Variants in THSD7A observed in about 807,000 individuals in gnomAD.
The protein encoded by THSD7A is thrombospondin type 1 domain containing 7A, also known as thrombospondin type-1 domain-containing protein 7A.
Under a neutral mutation model 231.3 loss-of-function variants are expected in THSD7A, and 96 were observed. The ratio of observed to expected loss-of-function variants is 0.41; its 90% CI spans 0.35 to 0.49. THSD7A has a LOEUF of 0.49. Ranked by LOEUF, THSD7A falls within the 20% of genes least tolerant of loss-of-function variation. THSD7A has a pLI of 0.05. For missense variants in THSD7A, 2,290 were observed against 2,070.2 expected (o/e 1.11, Z -2.06); for synonymous variants, 940 against 743.3 (o/e 1.26, Z -4.30).
intron 6 of THSD7A, among the ~76,000 whole-genome samples, chr7:11,500,638 G>GA (rs1787292735): frequency 6.6e-6 from 1 of 151,094 alleles, no homozygotes; most frequent in South Asian, 2.1e-4. Flanking sequence ...CAAGCAAATG[G>GA]AAAAAAGAAA....
At chr7:11,479,357 C>T (rs1229549709) in intron 7 of THSD7A, among the ~76,000 whole-genome samples, 1 of 152,142 alleles carries the variant, frequency 6.6e-6, no homozygotes, top group Non-Finnish European at 1.5e-5. Context: ...ATGGACTTGT[C>T]CTGTATGTTA....
intron 1 of THSD7A, among the ~76,000 whole-genome samples, chr7:11,715,026 C>A (rs977682758): frequency 1.3e-5 from 2 of 151,262 alleles, no homozygotes; most frequent in Admixed American, 6.6e-5. Context: ...TTCTTTATAG[C>A]GAAGGGTTAT....
At chr7:11,525,680 A>G (rs1428663517) in intron 6 of THSD7A, among the ~76,000 whole-genome samples, 1 of 152,198 alleles carries the variant, frequency 6.6e-6, no homozygotes, top group Non-Finnish European at 1.5e-5. Context: ...TATAAAAGAT[A>G]TTCTTACCTA....
At chr7:11,393,937 A>T (rs971826914) in intron 23 of THSD7A, among the ~76,000 whole-genome samples, 15 of 151,576 alleles carry the variant, frequency 9.9e-5, no homozygotes, top group Non-Finnish European at 2.1e-4. Context: ...GTTGGAAAAC[A>T]CTCTTCAGGA....
At chr7:11,747,838 A>G (rs1782361202) in intron 1 of THSD7A, among the ~76,000 whole-genome samples, 1 of 151,944 alleles carries the variant, frequency 6.6e-6, no homozygotes, top group Admixed American at 6.6e-5. Flanking sequence ...CGAAAGGACA[A>G]TGGACAAGTA....
chr7:11,375,914 A>C (rs1388689212), intron 27 of THSD7A, 36 bp from the exon 28 acceptor site: 25 of 1,589,486 alleles, frequency 1.6e-5, no homozygotes, highest in Non-Finnish European at 2.2e-5. Flanking sequence ...AAAGAAAATC[A>C]GTTTCTAATT....
chr7:11,769,149 ATATATT>A (rs1459583930), intron 1 of THSD7A, among the ~76,000 whole-genome samples: 15 of 36,296 alleles, frequency 4.1e-4, no homozygotes, highest in African/African-American at 9.7e-4. Flanking sequence ...ATATATATAT[ATATATT>A]TTTTTTTTTT....
chr7:11,553,387 G>A (rs547400208), intron 4 of THSD7A, among the ~76,000 whole-genome samples: 58 of 152,130 alleles, frequency 3.8e-4, no homozygotes, highest in Admixed American at 3.5e-3. Flanking sequence ...ACTGTAAGAC[G>A]ATTACATTTC....
intron 13 of THSD7A, among the ~76,000 whole-genome samples, chr7:11,436,079 G>T (rs1281487569): frequency 1.3e-5 from 2 of 152,018 alleles, no homozygotes; most frequent in Middle Eastern, 6.8e-3. Flanking sequence ...ACATACTAAG[G>T]CATTTATTGA....
chr7:11,563,916 G>A (rs934353768), intron 4 of THSD7A, among the ~76,000 whole-genome samples: 5 of 152,080 alleles, frequency 3.3e-5, no homozygotes, highest in African/African-American at 1.2e-4. Context: ...GAATTGTGGT[G>A]AGGTCACAAA....
intron 4 of THSD7A, among the ~76,000 whole-genome samples, chr7:11,566,092 T>A (rs945064722): frequency 6.6e-6 from 1 of 152,072 alleles, no homozygotes; most frequent in Non-Finnish European, 1.5e-5. Context: ...AACTACTGCA[T>A]GTGTTTCTTA....
chr7:11,738,222 T>C (rs913440368), intron 1 of THSD7A, among the ~76,000 whole-genome samples: 22 of 151,982 alleles, frequency 1.4e-4, no homozygotes, highest in African/African-American at 5.1e-4. Flanking sequence ...TGATTGAGCA[T>C]CCCAAATCTG....
At chr7:11,704,085 A>C (rs1239528993) in intron 1 of THSD7A, among the ~76,000 whole-genome samples, 4 of 151,188 alleles carry the variant, frequency 2.6e-5, no homozygotes, top group Admixed American at 1.3e-4. Flanking sequence ...ATTTAATTGA[A>C]AGGAACAAAG....
At chr7:11,740,527 A>G (rs1782078096) in intron 1 of THSD7A, among the ~76,000 whole-genome samples, 1 of 151,768 alleles carries the variant, frequency 6.6e-6, no homozygotes, top group Non-Finnish European at 1.5e-5. Flanking sequence ...CTGTTTCCCA[A>G]ACATGCTGAG....
chr7:11,810,550 C>T (rs1020530012), intron 1 of THSD7A, among the ~76,000 whole-genome samples: 3 of 152,168 alleles, frequency 2.0e-5, no homozygotes, highest in African/African-American at 4.8e-5. Context: ...GAGGGCACCA[C>T]CCCAATGCTG....
Position 11,832,154 on chromosome 7 carries a change from C to A in THSD7A, c.-208G>T, listed in dbSNP as rs1562586889. On this transcript the variant is annotated 5_prime_UTR_variant, in exon 1 of 28. Coordinates refer to ENST00000423059, the MANE Select transcript of THSD7A (RefSeq NM_015204.3). ...CCGTGGCCGCTGCCGCCGCCGCCGC[C>A]GCCTCTGGCGGGGATGCTGCTGCCG... 2.9e-6 allele frequency: 1 copy of A among 341,166 alleles called. No individual in the cohort carries two copies. The highest frequency in any genetic ancestry group is 5.2e-6 in the Non-Finnish European group (1 of 193,074). The allele number at this position is 341,166 out of a possible 1,614,324, so 21.1% of individuals were successfully genotyped here.
In THSD7A at chr7:11,371,581, C is replaced by T. The variant is rs1010451245; in HGVS notation, c.*4213G>A. 2.6e-5 allele frequency: 4 copies of T among 152,120 alleles called. No homozygotes were observed. The highest frequency in any genetic ancestry group is 5.9e-5 in the Non-Finnish European group (4 of 68,044). The allele number at this position is 152,120 out of a possible 1,614,324, so 9.4% of individuals were successfully genotyped here. A position where few individuals can be genotyped will look rare whatever the true frequency, so the allele number is the denominator to read the frequency against. On this transcript the variant is annotated 3_prime_UTR_variant, in exon 28 of 28. Coordinates refer to ENST00000423059, the MANE Select transcript of THSD7A (RefSeq NM_015204.3). ...GCTTCTCATGTACTATTGAGACCCACGTCAGCTTTAGAACAGGCTCTCCCT... is the reference window on the plus strand; with the variant it reads ...GCTTCTCATGTACTATTGAGACCCATGTCAGCTTTAGAACAGGCTCTCCCT...
chr7:11,554,992 T>C (rs1583964701), intron 4 of THSD7A, among the ~76,000 whole-genome samples: 1 of 152,014 alleles, frequency 6.6e-6, no homozygotes, highest in African/African-American at 2.4e-5. Flanking sequence ...GTGTTTTTTC[T>C]TTTTTCTTTT....
intron 6 of THSD7A, among the ~76,000 whole-genome samples, chr7:11,535,254 T>G (rs1038007136): frequency 6.6e-6 from 1 of 152,142 alleles, no homozygotes; most frequent in Non-Finnish European, 1.5e-5. Context: ...AGAACATTGG[T>G]TCAACTCTGA....
Sources: allele counts gnomAD v4.1 joint callset (sites outside exome capture counted in the v4.1 genomes callset), GRCh38; gene constraint gnomAD v4.1.1; transcripts MANE v1.5; gene names NCBI Gene and HGNC (gene_info 2026-07-23, HGNC 2026-07-21).